MUC5AC: variants seen among roughly 807,000 people sequenced by gnomAD.
MUC5AC encodes the protein mucin 5AC, oligomeric mucus/gel-forming, also known as mucin-5AC.
A neutral mutation model predicts 169.7 loss-of-function variants in MUC5AC; 158 were observed. The ratio of observed to expected loss-of-function variants is 0.93; its 90% CI spans 0.82 to 1.06. MUC5AC has a LOEUF of 1.06. Ranked by LOEUF, MUC5AC falls within the 50% of genes least tolerant of loss-of-function variation. MUC5AC has a pLI of 0.00. For synonymous variants in MUC5AC, 1,975 were observed against 1,237.0 expected (o/e 1.60, Z -12.52); for missense variants, 4,359 against 3,089.9 (o/e 1.41, Z -9.74).
intron 1 of MUC5AC, among the ~76,000 whole-genome samples, chr11:1,159,827 T>C (rs1421284482): frequency 1.5e-5 from 1 of 67,534 alleles, no homozygotes; most frequent in Non-Finnish European, 2.8e-5. Context: ...AGGGCTGGCG[T>C]CTGGCCCCAC....
At chr11:1,161,789 A>G in intron 3 of MUC5AC, 118 bp from the exon 4 acceptor site, 2 of 1,434,696 alleles carry the variant, frequency 1.4e-6, no homozygotes, top group Non-Finnish European at 9.3e-7. Flanking sequence ...TGCCCCGTCC[A>G]GGGCAGCAGC....
rs1860952294 is a variant in MUC5AC, at chr11:1,186,580, C to T, written c.8435C>T (p.Thr2812Ile). 9.9e-6 allele frequency: 7 copies of T among 706,958 alleles called. No individual in the cohort carries two copies. In the Admixed American group the frequency reaches 9.9e-5, roughly 10 times the overall value. 43.8% of individuals were successfully genotyped at this position (706,958 alleles called of 1,614,324 possible). ...TSTTSAPISS[T>I]TSTPQTSTTS... Reference sequence around the variant, plus strand: ...ACAACTTCTGCCCCTATAAGCAGCACAACTTCCACACCACAGACCAGCACA... The same window carrying T: ...ACAACTTCTGCCCCTATAAGCAGCATAACTTCCACACCACAGACCAGCACA... Residue 2812 changes from threonine to isoleucine, a missense_variant, in exon 31 of 49, where the codon ACA (threonine) becomes ATA (isoleucine). Physicochemically the swap from Thr to Ile is moderately conservative, Grantham distance 89. Transcript: ENST00000621226.
Position 1,192,532 on chromosome 11 carries a change from G to A in MUC5AC, c.14380+7G>A, listed in dbSNP as rs775435947. On this transcript the variant is annotated splice_region_variant and intron_variant, in intron 31 of 48. Transcript: ENST00000621226. ...GACCGGCTCTACCCTGCAGGTTCGT[G>A]AGTGTTTCTGGTGCAATTGTTTCTG... The A allele has an allele frequency of 7.9e-6, 6 of 763,546 alleles. No individual in the cohort carries two copies. 47.3% of individuals were successfully genotyped at this position (763,546 alleles called of 1,614,324 possible).
Position 1,195,002 on chromosome 11 carries a change from G to A in MUC5AC, c.15191-10G>A, listed in dbSNP as rs1414926836. On this transcript the variant is annotated splice_polypyrimidine_tract_variant and intron_variant, in intron 35 of 48. Coordinates refer to ENST00000621226, the MANE Select transcript of MUC5AC (RefSeq NM_001304359.2). ...TGTCCAGCAGCCTGACCCCCACCGC[G>A]TCTGCCCAGGCACTTGCACCAACGA... is the stretch of plus-strand genomic sequence containing the variant. The A allele has an allele frequency of 1.7e-5, 12 of 724,122 alleles. No individual in the cohort carries two copies. The highest frequency in any genetic ancestry group is 3.7e-5 in the Admixed American group (2 of 54,078). The allele number at this position is 724,122 out of a possible 1,614,324, so 44.9% of individuals were successfully genotyped here. A position where few individuals can be genotyped will look rare whatever the true frequency, so the allele number is the denominator to read the frequency against.
In MUC5AC at chr11:1,186,757, C is replaced by A; in HGVS notation, c.8612C>A (p.Thr2871Asn). ...TSVPTSSTTS[T>N]ATTSTTSGPG... ...GTCCCTACAAGCAGCACAACCTCCA[C>A]TGCTACAACCAGCACAACCTCTGGC... The change falls in exon 31 of 49, where the codon ACT becomes AAT. Residue 2871 changes from threonine (T) to asparagine (N), a missense_variant. Thr to Asn is a moderately conservative substitution (Grantham distance 65). Coordinates refer to ENST00000621226, the MANE Select transcript of MUC5AC (RefSeq NM_001304359.2). 1 of 736,980 alleles carries A rather than the reference C, an allele frequency of 1.4e-6. No homozygotes were observed. Among genetic ancestry groups the A allele is most frequent in the Non-Finnish European group, 2.5e-6 (1 of 403,914 alleles). The allele number at this position is 736,980 out of a possible 1,614,324, so 45.7% of individuals were successfully genotyped here.
At chr11:1,179,484 CAG>C (rs1408856514) in intron 26 of MUC5AC, among the ~76,000 whole-genome samples, 6 of 144,550 alleles carry the variant, frequency 4.2e-5, no homozygotes, top group African/African-American at 1.6e-4. Flanking sequence ...GCGTGGCTGA[CAG>C]AGGGGTCGCT....
At chr11:1,170,602 C>T in intron 15 of MUC5AC, among the ~76,000 whole-genome samples, 2 of 144,062 alleles carry the variant, frequency 1.4e-5, no homozygotes, top group South Asian at 2.3e-4. Context: ...CTCACTCACC[C>T]ATTCACCCAC....
rs1860893513 is a variant in MUC5AC, at chr11:1,184,874, C to G, written c.6729C>G (p.Ser2243Arg). ...GGAGAGCCACCAGCCCAACTCAGAG[C>G]ACCTCCTCTTGGCAGAAATCCAGGA... is the stretch of plus-strand genomic sequence containing the variant. ...PSGRATSPTQ[S>R]TSSWQKSRTT... Residue 2243 changes from serine (S) to arginine (R), a missense_variant, in exon 31 of 49, where the codon AGC becomes AGG. Ser to Arg is a moderately radical substitution (Grantham distance 110). Coordinates refer to ENST00000621226, the MANE Select transcript of MUC5AC (RefSeq NM_001304359.2). The G allele has an allele frequency of 1.6e-6, 1 of 637,390 alleles. No homozygotes were observed. Among genetic ancestry groups the G allele is most frequent in the Admixed American group, 2.7e-5 (1 of 37,538 alleles). The allele number at this position is 637,390 out of a possible 1,614,324, so 39.5% of individuals were successfully genotyped here. A position where few individuals can be genotyped will look rare whatever the true frequency, so the allele number is the denominator to read the frequency against.
chr11:1,200,679 G>C lies in MUC5AC; in HGVS notation c.16942G>C (p.Val5648Leu). 1 of 759,706 alleles carries C rather than the reference G, an allele frequency of 1.3e-6. No individual in the cohort carries two copies. The highest frequency in any genetic ancestry group is 2.4e-6 in the Non-Finnish European group (1 of 414,410). The allele number at this position is 759,706 out of a possible 1,614,324, so 47.1% of individuals were successfully genotyped here. A position where few individuals can be genotyped will look rare whatever the true frequency, so the allele number is the denominator to read the frequency against. ...EAESGSWERG[V>L]PVSPMH is the part of the protein sequence containing the mutation. ...AGAGAGTGGGAGCTGGGAGAGAGGCGTCCCAGTGTCCCCCATGCACTGACC... is the reference window on the plus strand; with the variant it reads ...AGAGAGTGGGAGCTGGGAGAGAGGCCTCCCAGTGTCCCCCATGCACTGACC... Residue 5648 changes from valine to leucine, a missense_variant, in exon 49 of 49, where the codon GTC becomes CTC. Transcript: ENST00000621226.
chr11:1,193,719 GA>G, intron 33 of MUC5AC, 60 bp downstream of exon 33: 1 of 747,780 alleles, frequency 1.3e-6, no homozygotes, highest in Non-Finnish European at 2.5e-6. Context: ...CACCCAGGTG[GA>G]AATGGGCGGG....
chr11:1,195,344 C>CTGGAGGGGAAGAAGCGCATT, intron 36 of MUC5AC, 65 bp downstream of exon 36: 1 of 733,570 alleles, frequency 1.4e-6, no homozygotes, highest in Non-Finnish European at 2.5e-6. Context: ...CTTCCAAGGG[C>CTGGAGGGGAAGAAGCGCATT]TGGAGGGGAA....
At chr11:1,199,044 A>C (rs765590443) in intron 44 of MUC5AC, 43 bp from the exon 45 acceptor site, 11 of 762,876 alleles carry the variant, frequency 1.4e-5, no homozygotes, top group Middle Eastern at 2.2e-4. Flanking sequence ...CTTGGGGGGC[A>C]GCGGTCGCCT....
intron 2 of MUC5AC, among the ~76,000 whole-genome samples, 200 bp downstream of exon 2, chr11:1,160,889 C>T (rs1298614140): frequency 2.0e-5 from 3 of 152,238 alleles, no homozygotes; most frequent in Admixed American, 2.0e-4. Flanking sequence ...GGCCAGCCCC[C>T]TGCAGCGCTT....
chr11:1,201,014 C>T lies in MUC5AC; in HGVS notation c.*312C>T, dbSNP rs1861416303. 2 of 275,860 alleles carry T rather than the reference C, an allele frequency of 7.3e-6. No homozygotes were observed. The highest frequency in any genetic ancestry group is 1.4e-5 in the Non-Finnish European group (2 of 147,252). The allele number at this position is 275,860 out of a possible 1,614,324, so 17.1% of individuals were successfully genotyped here. ...GAGGGTCTCAGGAATGACGCTTGGACATGGTGATCAGCTGCCTGGTGGCTG... is the reference window on the plus strand; with the variant it reads ...GAGGGTCTCAGGAATGACGCTTGGATATGGTGATCAGCTGCCTGGTGGCTG... On this transcript the variant is annotated 3_prime_UTR_variant, in exon 49 of 49. Coordinates refer to ENST00000621226, the MANE Select transcript of MUC5AC (RefSeq NM_001304359.2).
At position 1,185,570 on chromosome 11, in the gene MUC5AC, C is replaced by G; in HGVS notation, c.7425C>G (p.Ser2475Arg). 4.2e-6 allele frequency: 3 copies of G among 721,160 alleles called. No individual in the cohort carries two copies. Among genetic ancestry groups the G allele is most frequent in the Admixed American group, 3.9e-5 (2 of 51,894 alleles). 44.7% of individuals were successfully genotyped at this position (721,160 alleles called of 1,614,324 possible). Residue 2475 changes from serine (S) to arginine (R), a missense_variant, in exon 31 of 49, where the codon AGC becomes AGG. Physicochemically the swap from Ser to Arg is moderately radical, Grantham distance 110. Transcript: ENST00000621226. The part of the protein sequence containing the change: ...TTRTTSAPKS[S>R]TTSAATTSTT... ...GAACAACTTCTGCTCCTAAAAGCAG[C>G]ACAACCTCTGCCGCTACAACCAGCA...
chr11:1,158,108 GGTGGTGCGGTACTGA>G (rs1860013551), intron 1 of MUC5AC, 36 bp downstream of exon 1: 4 of 1,554,258 alleles, frequency 2.6e-6, no homozygotes, highest in Non-Finnish European at 3.5e-6. Flanking sequence ...ACTGGTCCTG[GGTGGTGCGGTACTGA>G]GTGGGCCTCA....
chr11:1,163,252 C>A (rs1860199242), intron 6 of MUC5AC, among the ~76,000 whole-genome samples: 2 of 152,236 alleles, frequency 1.3e-5, no homozygotes. Context: ...AGCAAATCGC[C>A]CATTGGGCCC....
At position 1,188,429 on chromosome 11, in the gene MUC5AC, C is replaced by T. The variant is rs1590146805; in HGVS notation, c.10284C>T (p.Thr3428=). Residue 3428 remains threonine (T), a synonymous_variant, in exon 31 of 49, where the codon ACC becomes ACT. Transcript: ENST00000621226. The stretch of plus-strand genomic sequence containing the variant: ...GCAGCACAATCTCTGCTCGTACAAC[C>T]AGCATAATCTCTGCCCCTACAACCA... ...PTSSTISART[T]SIISAPTTST... 1 of 631,440 alleles carries T rather than the reference C, an allele frequency of 1.6e-6. No homozygotes were observed. Among genetic ancestry groups the T allele is most frequent in the East Asian group, 2.7e-5 (1 of 37,074 alleles). The allele number at this position is 631,440 out of a possible 1,614,324, so 39.1% of individuals were successfully genotyped here. A position where few individuals can be genotyped will look rare whatever the true frequency, so the allele number is the denominator to read the frequency against.
chr11:1,173,322 C>T (rs1180520645), intron 16 of MUC5AC, among the ~76,000 whole-genome samples: 31 of 151,244 alleles, frequency 2.0e-4, no homozygotes, highest in African/African-American at 7.5e-4. Context: ...CTCACTCATC[C>T]ACTCACTCAC....
Sources: allele counts gnomAD v4.1 joint callset (sites outside exome capture counted in the v4.1 genomes callset), GRCh38; gene constraint gnomAD v4.1.1; transcripts MANE v1.5; gene names NCBI Gene and HGNC (gene_info 2026-07-23, HGNC 2026-07-21).